The following CELF2 variants were observed in gnomAD, a reference collection of about 807,000 sequenced individuals.
The protein encoded by CELF2 is CUGBP Elav-like family member 2.
In CELF2, 8 loss-of-function variants were observed where a neutral mutation model predicts 62.6. The ratio of observed to expected loss-of-function variants is 0.13; its 90% CI spans 0.07 to 0.23. The LOEUF (loss-of-function observed/expected upper bound fraction) is 0.23, where lower values mean the gene tolerates loss of function less well. Among genes scored for constraint, CELF2 ranks in the 10% least tolerant of loss-of-function variants. The pLI is 1.00. For missense variants in CELF2, 333 were observed against 671.0 expected, an observed-to-expected ratio of 0.50 and a Z score of 5.56; for synonymous variants, 258 against 250.0, an observed-to-expected ratio of 1.03 and a Z score of -0.30.
chr10:11,308,058 T>C (rs1209039372), intron 9 of CELF2, among the ~76,000 whole-genome samples: 1 of 152,250 alleles, frequency 6.6e-6, no homozygotes, highest in Non-Finnish European at 1.5e-5. Context: ...GATTCTGAGT[T>C]AATAGGTTTT....
At chr10:10,883,630 T>A (rs925758770) in intron 1 of CELF2, among the ~76,000 whole-genome samples, 3 of 152,080 alleles carry the variant, frequency 2.0e-5, no homozygotes, top group Non-Finnish European at 2.9e-5. Context: ...GGGGACAGGA[T>A]CCATGGCCAG....
At position 11,314,013 on chromosome 10, in the gene CELF2, T is replaced by C. The variant is rs1396165322; in HGVS notation, c.977-126T>C. On this transcript the variant is annotated intron_variant, in intron 9 of 12. Coordinates refer to ENST00000633077, the MANE Select transcript of CELF2 (RefSeq NM_001326342.2). This position sits in a 1 kb window ranked among gnomAD's most constrained non-coding sequence, Gnocchi z 5.3. ...GCCACAAGTACAATCCCACATGTCC[T>C]TCACCCAAAGCCACAAGCACAGCTC... The C allele has an allele frequency of 4.7e-5, 47 of 993,604 alleles. No individual in the cohort carries two copies. The highest frequency in any genetic ancestry group is 6.9e-5 in the Non-Finnish European group (46 of 662,382). 61.5% of individuals were successfully genotyped at this position (993,604 alleles called of 1,614,324 possible).
chr10:10,799,594 T>TACCCCC (rs1037957196), intron 1 of CELF2, among the ~76,000 whole-genome samples: 4 of 122,200 alleles, frequency 3.3e-5, no homozygotes, highest in Non-Finnish European at 5.1e-5. Flanking sequence ...ACCTCTCCCC[T>TACCCCC]ACCCCCACCC....
At chr10:11,235,841 A>T (rs923850461) in intron 3 of CELF2, among the ~76,000 whole-genome samples, 2 of 152,208 alleles carry the variant, frequency 1.3e-5, no homozygotes, top group African/African-American at 4.8e-5. Flanking sequence ...GTTTGTTTAA[A>T]AGGAAAAAAA....
Position 11,110,726 on chromosome 10 carries a change from C to T in CELF2, c.75-54760C>T, listed in dbSNP as rs150044125. 6.6e-6 allele frequency among the ~76,000 whole-genome samples: 1 copy of T among 152,062 alleles called. No individual in the cohort carries two copies. The highest frequency in any genetic ancestry group is 1.5e-5 in the Non-Finnish European group (1 of 68,018). ...TCTCAGCAGTGCATCAACAAAGGCC[C>T]CTTTCTTCTGGAATTCCAGAGTACA... On this transcript the variant is annotated intron_variant, in intron 1 of 12. Coordinates refer to ENST00000633077, the MANE Select transcript of CELF2 (RefSeq NM_001326342.2). This position sits in a 1 kb window ranked among gnomAD's most constrained non-coding sequence, Gnocchi z 4.0.
rs117228263 is a variant in CELF2, at chr10:11,269,605, T to C, written c.619-1061T>C. 1.6e-4 allele frequency among the ~76,000 whole-genome samples: 25 copies of C among 152,280 alleles called. 1 individual carries two copies. In the East Asian group the frequency reaches 3.7e-3, roughly 22 times the overall value. On this transcript the variant is annotated intron_variant, in intron 6 of 12. Coordinates refer to ENST00000633077, the MANE Select transcript of CELF2 (RefSeq NM_001326342.2). This position sits in a 1 kb window ranked among gnomAD's most constrained non-coding sequence, Gnocchi z 4.4. ...ATTACTTCTTTATGCCTCAGCAAAATTGAACAGCTTTAATTGTGATGAAAC... is the reference window on the plus strand; with the variant it reads ...ATTACTTCTTTATGCCTCAGCAAAACTGAACAGCTTTAATTGTGATGAAAC...
chr10:10,723,364 G>T, the CELF2 span, among the ~76,000 whole-genome samples: 1 of 152,172 alleles, frequency 6.6e-6, no homozygotes, highest in Admixed American at 6.5e-5. Context: ...CAGCATCCTG[G>T]AGAGGAAATT....
chr10:10,802,226 C>T (rs2131536717), intron 1 of CELF2, among the ~76,000 whole-genome samples: 1 of 152,278 alleles, frequency 6.6e-6, no homozygotes, highest in Middle Eastern at 3.4e-3. Flanking sequence ...AATCCCAGCA[C>T]TTTGGGACAC....
upstream of CELF2, among the ~76,000 whole-genome samples, chr10:11,015,256 C>T (rs963365608): frequency 3.3e-5 from 5 of 151,948 alleles, no homozygotes; most frequent in South Asian, 2.1e-4. This position sits in a 1 kb window ranked among gnomAD's most constrained non-coding sequence, Gnocchi z 4.8. Context: ...AGCTTTTCAT[C>T]GGGTGGTATT....
Position 11,157,390 on chromosome 10 carries a change from C to CCT in CELF2, c.75-8095_75-8094insTC, listed in dbSNP as rs1305791476. 4.1e-5 allele frequency among the ~76,000 whole-genome samples: 5 copies of CCT among 122,048 alleles called. No individual in the cohort carries two copies. The highest frequency in any genetic ancestry group is 6.8e-5 in the Non-Finnish European group (4 of 59,222). 80.1% of individuals were successfully genotyped at this position (122,048 alleles called of 152,430 possible). A position where few individuals can be genotyped will look rare whatever the true frequency, so the allele number is the denominator to read the frequency against. ...CTTTTGACTTTGATATCCGCCCTCC[C>CCT]CCCACACACACACACACAAAAATTT... is the stretch of plus-strand genomic sequence containing the variant. On this transcript the variant is annotated intron_variant, in intron 1 of 12. Coordinates refer to ENST00000633077, the MANE Select transcript of CELF2 (RefSeq NM_001326342.2). This position sits in a 1 kb window ranked among gnomAD's most constrained non-coding sequence, Gnocchi z 4.9.
At chr10:10,741,656 A>G in the CELF2 span, among the ~76,000 whole-genome samples, 3 of 152,262 alleles carry the variant, frequency 2.0e-5, no homozygotes, top group South Asian at 6.2e-4. Flanking sequence ...CTGCCTTCTC[A>G]GTGCTTCAAA....
At chr10:11,261,418 CT>C (rs11388167) in intron 5 of CELF2, among the ~76,000 whole-genome samples, 35,724 of 146,056 alleles carry the variant, frequency 0.24, 5,146 homozygotes, top group Non-Finnish European at 0.34. Context: ...GAATCACTGC[CT>C]TTTTTTTTTT....
chr10:10,574,859 G>C, the CELF2 span, among the ~76,000 whole-genome samples: 8 of 143,152 alleles, frequency 5.6e-5, no homozygotes, highest in Non-Finnish European at 1.0e-4. Context: ...ACAGATGCCC[G>C]CCACCATGCC....
At chr10:10,848,810 G>C (rs1452429559) in intron 1 of CELF2, among the ~76,000 whole-genome samples, 1 of 152,116 alleles carries the variant, frequency 6.6e-6, no homozygotes, top group African/African-American at 2.4e-5. Context: ...ACGGAGATTA[G>C]ACCACAGGGT....
chr10:11,005,285 A>G (rs974045248), upstream of CELF2: 41 of 1,591,184 alleles, frequency 2.6e-5, no homozygotes, highest in South Asian at 1.9e-4. The surrounding 1 kb of genome is among the most constrained non-coding windows in gnomAD (Gnocchi z 4.3). Flanking sequence ...AGAGAGAGAG[A>G]GAGAGAGAGG....
chr10:10,777,187 C>T, the CELF2 span, among the ~76,000 whole-genome samples: 2 of 152,150 alleles, frequency 1.3e-5, no homozygotes. Context: ...AAACCCTCTT[C>T]CACTCCACCA....
At chr10:10,989,237 T>G (rs1458030781) in intron 2 of CELF2, among the ~76,000 whole-genome samples, 1 of 152,132 alleles carries the variant, frequency 6.6e-6, no homozygotes, top group Non-Finnish European at 1.5e-5. Context: ...CAGTAGAATT[T>G]TTTGAATTGA....
At chr10:10,981,938 G>A (rs996876254) in intron 2 of CELF2, among the ~76,000 whole-genome samples, 3 of 148,248 alleles carry the variant, frequency 2.0e-5, no homozygotes, top group Admixed American at 6.7e-5. Context: ...CCCTCTCCTC[G>A]ACTTCCTTTT....
At chr10:11,283,355 G>A (rs1163284875) in intron 8 of CELF2, among the ~76,000 whole-genome samples, 3 of 152,220 alleles carry the variant, frequency 2.0e-5, no homozygotes, top group Non-Finnish European at 4.4e-5. Context: ...ATCTGCTCGG[G>A]TACACAGACT....
Sources: gnomAD v4.1 joint callset for allele counts (sites outside exome capture counted in the v4.1 genomes callset) on GRCh38, gnomAD v4.1.1 for gene constraint, Gnocchi (gnomAD v3.1) non-coding constraint, MANE v1.5 for transcripts, NCBI Gene and HGNC (gene_info 2026-07-23, HGNC 2026-07-21) for gene names.